CDKL5: variants seen among roughly 807,000 people sequenced by gnomAD.
CDKL5 encodes the protein cyclin-dependent kinase-like 5.
A neutral mutation model predicts 61.7 loss-of-function variants in CDKL5; 8 were observed. The observed-to-expected ratio is 0.13, with a 90% CI of 0.08 to 0.23. The LOEUF (loss-of-function observed/expected upper bound fraction) is 0.23. Ranked by LOEUF, CDKL5 falls within the 10% of genes least tolerant of loss-of-function variation. CDKL5 has a pLI of 1.00. For missense variants in CDKL5, 440 were observed against 734.5 expected (o/e 0.60, Z 4.63); for synonymous variants, 275 against 272.3 (o/e 1.01, Z -0.10).
At position 18,584,421 on chromosome X, in the gene CDKL5, T is replaced by A. The variant is rs369776364; in HGVS notation, c.554+68T>A. 79 of 721,609 alleles carry A rather than the reference T, an allele frequency of 1.1e-4. No individual in the cohort carries two copies. The East Asian group carries it at 1.8e-3, about 17-fold the overall frequency. The allele number at this position is 721,609 out of a possible 1,213,427, so 59.5% of individuals were successfully genotyped here. A position where few individuals can be genotyped will look rare whatever the true frequency, so the allele number is the denominator to read the frequency against. ...TGATTCTATTGTCATTTGCTTTGAG[T>A]TCATCTATGGAAAATAAGAACTTCA... is the stretch of plus-strand genomic sequence containing the variant. On this transcript the variant is annotated intron_variant, in intron 8 of 17. Coordinates refer to ENST00000623535, the MANE Select transcript of CDKL5 (RefSeq NM_001323289.2).
chrX:18,536,477 C>T (rs910919624), intron 3 of CDKL5, among the ~76,000 whole-genome samples: 5 of 79,825 alleles, frequency 6.3e-5, no homozygotes, highest in Admixed American at 1.7e-4. Flanking sequence ...GACGGAGTCC[C>T]ACTCTGTTGC....
At chrX:18,451,249 T>C (rs187700885) in intron 1 of CDKL5, among the ~76,000 whole-genome samples, 1 of 111,744 alleles carries the variant, frequency 8.9e-6, no homozygotes, top group Admixed American at 9.5e-5. Flanking sequence ...TAGAGTGCAA[T>C]GGCATGATCT....
At chrX:18,517,270 A>G (rs1053056806) in intron 3 of CDKL5, among the ~76,000 whole-genome samples, 5 of 111,331 alleles carry the variant, frequency 4.5e-5, no homozygotes, top group Non-Finnish European at 9.4e-5. Context: ...TCACTTCTAG[A>G]GGATGAATTG....
Position 18,629,461 on chromosome X carries a change from A to G in CDKL5, c.*704A>G. 2 of 514,105 alleles carry G rather than the reference A, an allele frequency of 3.9e-6. No homozygotes were observed. Among genetic ancestry groups the G allele is most frequent in the Non-Finnish European group, 4.7e-6 (2 of 421,080 alleles). The allele number at this position is 514,105 out of a possible 1,213,427, so 42.4% of individuals were successfully genotyped here. ...GAGTATTTTATTCTATATATAATAT[A>G]TATATATGGTAAATATCTGTTTTAT... On this transcript the variant is annotated 3_prime_UTR_variant, in exon 18 of 18. Transcript: ENST00000623535.
chrX:18,588,075 G>A lies in CDKL5; in HGVS notation c.676G>A (p.Val226Met). 8.3e-7 allele frequency: 1 copy of A among 1,209,808 alleles called. No homozygotes were observed. Among genetic ancestry groups the A allele is most frequent in the Non-Finnish European group, 1.1e-6 (1 of 894,217 alleles). ...EIDQLFTIQK[V>M]LGPLPSEQMK... ...TGACCAACTTTTTACTATTCAGAAG[G>A]TGCTAGGACCACTTCCATCTGAGCA... Residue 226 changes from valine to methionine, a missense_variant, in exon 9 of 18, where the codon GTG (valine) becomes ATG (methionine). By Grantham distance (21) the Val-to-Met change is conservative. Transcript: ENST00000623535.
chrX:18,559,764 C>G (rs1375160879), intron 3 of CDKL5, among the ~76,000 whole-genome samples: 8 of 103,299 alleles, frequency 7.7e-5, no homozygotes, highest in Non-Finnish European at 1.4e-4. Flanking sequence ...GGTATATCTC[C>G]TAATGCTATC....
intron 20 of CDKL5, chrX:18,646,225 C>T: frequency 2.0e-6 from 2 of 990,819 alleles, no homozygotes; most frequent in Non-Finnish European, 2.8e-6. Flanking sequence ...ACAATCTCGG[C>T]TCACTGCAAC....
chrX:18,446,192 A>C (rs1157997976), intron 1 of CDKL5, among the ~76,000 whole-genome samples: 1 of 106,232 alleles, frequency 9.4e-6, no homozygotes, highest in Non-Finnish European at 1.9e-5. Flanking sequence ...AAAAATACAA[A>C]AAAAAAAAAA....
rs190069891 is a variant in CDKL5, at chrX:18,628,237, T to A, written c.2497-134T>A. Reference sequence around the variant, plus strand: ...AAAAAACCCGAAGAACAGATATGGCTGGACCGGCTCCTCCTTGCACATGCT... The same window carrying A: ...AAAAAACCCGAAGAACAGATATGGCAGGACCGGCTCCTCCTTGCACATGCT... On this transcript the variant is annotated intron_variant, in intron 17 of 17. Coordinates refer to ENST00000623535, the MANE Select transcript of CDKL5 (RefSeq NM_001323289.2). The A allele has an allele frequency of 3.6e-4, 221 of 613,828 alleles. No homozygotes were observed. In the African/African-American group the frequency reaches 4.4e-3, roughly 12 times the overall value. The allele number at this position is 613,828 out of a possible 1,213,427, so 50.6% of individuals were successfully genotyped here.
At position 18,635,702 on chromosome X, in the gene CDKL5, C is replaced by T. The variant is rs545660495; in HGVS notation, c.*6945C>T. The T allele has an allele frequency of 5.0e-5, 30 of 606,009 alleles. No homozygotes were observed. The South Asian group carries it at 1.6e-3, about 32-fold the overall frequency. 49.9% of individuals were successfully genotyped at this position (606,009 alleles called of 1,213,427 possible). A position where few individuals can be genotyped will look rare whatever the true frequency, so the allele number is the denominator to read the frequency against. On this transcript the variant is annotated 3_prime_UTR_variant, in exon 18 of 18. Coordinates refer to ENST00000623535, the MANE Select transcript of CDKL5 (RefSeq NM_001323289.2). ...ACCTTTGCACGTCGCTAGACACTCA[C>T]GTGGTAGTTTGAGGAGGATGGGAAG...
chrX:18,546,554 A>C (rs1330176146), intron 3 of CDKL5, among the ~76,000 whole-genome samples: 1 of 111,581 alleles, frequency 9.0e-6, no homozygotes, highest in Non-Finnish European at 1.9e-5. Context: ...GAGCCATTGC[A>C]CCCAAACAAG....
chrX:18,509,192 A>AACACAC (rs1183838846), intron 2 of CDKL5, among the ~76,000 whole-genome samples: 6 of 45,011 alleles, frequency 1.3e-4, no homozygotes, highest in East Asian at 1.0e-3. Context: ...ACTGTCTCAA[A>AACACAC]ACACGCACAC....
At chrX:18,452,553 G>A (rs1202038138) in intron 1 of CDKL5, among the ~76,000 whole-genome samples, 2 of 109,969 alleles carry the variant, frequency 1.8e-5, no homozygotes, top group Non-Finnish European at 3.8e-5. Context: ...AGCCTCCCAA[G>A]TAGCTGGGAT....
chrX:18,437,419 G>GT lies in CDKL5; in HGVS notation c.-163+11731dup, dbSNP rs781608975. Among the ~76,000 whole-genome samples the GT allele has an allele frequency of 2.8e-4, 31 of 111,723 alleles. 1 individual carries two copies. In the East Asian group the frequency reaches 6.4e-3, roughly 23 times the overall value. On this transcript the variant is annotated intron_variant, in intron 1 of 17. Coordinates refer to ENST00000623535, the MANE Select transcript of CDKL5 (RefSeq NM_001323289.2). ...ATATTTAAACTTAAAATTCTTTGCT[G>GT]TTTTTTTCCCTCCAGACACCTTTAA... is the stretch of plus-strand genomic sequence containing the variant.
In CDKL5 at chrX:18,593,924, A is replaced by G. The variant is rs188728575; in HGVS notation, c.745-1424A>G. Among the ~76,000 whole-genome samples, 25 of 112,003 alleles carry G rather than the reference A, an allele frequency of 2.2e-4. No homozygotes were observed. In the Admixed American group the frequency reaches 2.3e-3, roughly 10 times the overall value. On this transcript the variant is annotated intron_variant, in intron 9 of 17. Coordinates refer to ENST00000623535, the MANE Select transcript of CDKL5 (RefSeq NM_001323289.2). ...GTTCTTTCTTCCACAGCCATAAACC[A>G]TCTTGGTCTTTCCTTTCTCTGAGCT...
chrX:18,509,766 G>C (rs1922758086), intron 2 of CDKL5, among the ~76,000 whole-genome samples: 1 of 111,069 alleles, frequency 9.0e-6, no homozygotes, highest in Non-Finnish European at 1.9e-5. Flanking sequence ...TGTCGCCTTT[G>C]TGCATGAACT....
At chrX:18,511,534 C>T (rs935181661) in intron 3 of CDKL5, among the ~76,000 whole-genome samples, 1 of 111,367 alleles carries the variant, frequency 9.0e-6, no homozygotes, top group African/African-American at 3.3e-5. Flanking sequence ...AAATACTTAT[C>T]ATTGACTATG....
chrX:18,465,881 A>G (rs1380915246), intron 1 of CDKL5, among the ~76,000 whole-genome samples: 1 of 111,896 alleles, frequency 8.9e-6, no homozygotes, highest in Non-Finnish European at 1.9e-5. Context: ...TTCTACATAG[A>G]AGATTTTCCA....
chrX:18,594,284 A>G lies in CDKL5; in HGVS notation c.745-1064A>G, dbSNP rs781364933. Among the ~76,000 whole-genome samples the G allele has an allele frequency of 1.5e-4, 17 of 112,168 alleles. No homozygotes were observed. The South Asian group carries it at 2.2e-3, about 15-fold the overall frequency. The stretch of plus-strand genomic sequence containing the variant: ...TGGGCTCTGCCAGTCATATTACCCA[A>G]TACTTTAACATCCACTAGATATTGC... On this transcript the variant is annotated intron_variant, in intron 9 of 17. Coordinates refer to ENST00000623535, the MANE Select transcript of CDKL5 (RefSeq NM_001323289.2).
Sources: allele counts gnomAD v4.1 joint callset (sites outside exome capture counted in the v4.1 genomes callset), GRCh38; gene constraint gnomAD v4.1.1; transcripts MANE v1.5; gene names NCBI Gene and HGNC (gene_info 2026-07-23, HGNC 2026-07-21).